Variants in CNOT6 observed in about 807,000 individuals in gnomAD.
CNOT6 encodes the protein carbon catabolite repression 4 protein.
Under a neutral mutation model 61.2 loss-of-function variants are expected in CNOT6, and 12 were observed. The observed-to-expected ratio is 0.20, with a 90% CI of 0.13 to 0.32. The LOEUF is 0.32. Ranked by LOEUF, CNOT6 falls within the 10% of genes least tolerant of loss-of-function variation. The pLI, the probability that CNOT6 is intolerant of heterozygous loss-of-function variation, is 1.00. For synonymous variants in CNOT6, 225 were observed against 240.6 expected, an observed-to-expected ratio of 0.94 and a Z score of 0.60; for missense variants, 405 against 663.9, an observed-to-expected ratio of 0.61 and a Z score of 4.28.
intron 1 of CNOT6, among the ~76,000 whole-genome samples, chr5:180,517,081 G>A (rs776459613): frequency 1.3e-5 from 2 of 152,208 alleles, no homozygotes; most frequent in African/African-American, 2.4e-5. Flanking sequence ...AATCTGTGTA[G>A]TGGTGGCTTT....
intron 1 of CNOT6, among the ~76,000 whole-genome samples, chr5:180,523,869 G>T (rs2127715700): frequency 6.6e-6 from 1 of 152,232 alleles, no homozygotes; most frequent in Non-Finnish European, 1.5e-5. Flanking sequence ...TCTTTTCATG[G>T]TTTGTAATTC....
At chr5:180,569,665 A>G (rs139140158) in intron 10 of CNOT6, among the ~76,000 whole-genome samples, 56 of 152,340 alleles carry the variant, frequency 3.7e-4, no homozygotes, top group East Asian at 7.7e-4. Context: ...CCTCTTTGGG[A>G]TTCCAGCGTG....
intron 7 of CNOT6, 21 bp from the exon 8 acceptor site, chr5:180,567,065 CTG>C (rs1487606968): frequency 6.9e-6 from 11 of 1,584,078 alleles, no homozygotes; most frequent in Non-Finnish European, 9.4e-6. Flanking sequence ...TATGAAATAA[CTG>C]TGCTGTTTAC....
intron 9 of CNOT6, 92 bp downstream of exon 9, chr5:180,568,095 T>A: frequency 1.5e-6 from 2 of 1,328,056 alleles, no homozygotes; most frequent in African/African-American, 1.5e-5. Context: ...GTATTCATGG[T>A]CTTGTCTAAC....
chr5:180,577,187 G>GTGTGTGTGTGTT lies in CNOT6; in HGVS notation c.*2996_*2997insGTTTGTGTGTGT, dbSNP rs1305003057. 1 of 152,030 alleles carries GTGTGTGTGTGTT rather than the reference G, an allele frequency of 6.6e-6. No homozygotes were observed. The highest frequency in any genetic ancestry group is 1.5e-5 in the Non-Finnish European group (1 of 67,974). 9.4% of individuals were successfully genotyped at this position (152,030 alleles called of 1,614,324 possible). On this transcript the variant is annotated 3_prime_UTR_variant, in exon 12 of 12. Coordinates refer to ENST00000261951, the MANE Select transcript of CNOT6 (RefSeq NM_001370472.1). ...AATGTGTGTGTGTGTGTGTGTGTGT[G>GTGTGTGTGTGTT]TGTGTGTGTTTAATATGATTTAGTG...
At chr5:180,496,599 G>A (rs1272640018) in intron 1 of CNOT6, among the ~76,000 whole-genome samples, 2 of 152,210 alleles carry the variant, frequency 1.3e-5, no homozygotes, top group African/African-American at 4.8e-5. Flanking sequence ...CGCTTTGGGA[G>A]GTTGAGGAAG....
chr5:180,570,960 A>G (rs1581575723), intron 10 of CNOT6, among the ~76,000 whole-genome samples: 1 of 152,392 alleles, frequency 6.6e-6, no homozygotes, highest in East Asian at 1.9e-4. Flanking sequence ...ATAAGTAACC[A>G]GTAAATATTA....
At chr5:180,530,856 A>G (rs1758326071) in intron 2 of CNOT6, among the ~76,000 whole-genome samples, 2 of 152,214 alleles carry the variant, frequency 1.3e-5, no homozygotes, top group South Asian at 4.1e-4. Flanking sequence ...TGGACACAGC[A>G]CATGTTTCAG....
chr5:180,555,039 T>C (rs1032220045), intron 4 of CNOT6, among the ~76,000 whole-genome samples: 2 of 151,926 alleles, frequency 1.3e-5, no homozygotes, highest in African/African-American at 4.8e-5. Flanking sequence ...GAGAGTCTCT[T>C]GTCGCCCAGG....
rs564464797 is a variant in CNOT6, at chr5:180,544,876, G to A, written c.113-5055G>A. 1.1e-4 allele frequency among the ~76,000 whole-genome samples: 17 copies of A among 152,148 alleles called. No homozygotes were observed. In the East Asian group the frequency reaches 2.9e-3, roughly 26 times the overall value. On this transcript the variant is annotated intron_variant, in intron 2 of 11. Coordinates refer to ENST00000261951, the MANE Select transcript of CNOT6 (RefSeq NM_001370472.1). Reference sequence around the variant, plus strand: ...TGGGAAGCTGAAGCAGGAGGATCACGTGAGCCTAGGAGTTAAAGGCTACTG... The same window carrying A: ...TGGGAAGCTGAAGCAGGAGGATCACATGAGCCTAGGAGTTAAAGGCTACTG...
intron 2 of CNOT6, among the ~76,000 whole-genome samples, chr5:180,548,105 G>C (rs1376499701): frequency 2.0e-5 from 3 of 152,188 alleles, no homozygotes; most frequent in South Asian, 2.1e-4. Flanking sequence ...GTTTTTTCTT[G>C]TGTAATACCT....
chr5:180,573,225 A>G (rs1760838682), intron 11 of CNOT6, among the ~76,000 whole-genome samples: 2 of 152,142 alleles, frequency 1.3e-5, no homozygotes, highest in East Asian at 3.9e-4. Context: ...GAGGACCAGA[A>G]CCATCAGATG....
At chr5:180,556,278 G>A (rs1759883788) in intron 4 of CNOT6, among the ~76,000 whole-genome samples, 1 of 152,182 alleles carries the variant, frequency 6.6e-6, no homozygotes, top group Non-Finnish European at 1.5e-5. Context: ...GGGGGACAGA[G>A]TGGAAAGGAG....
intron 1 of CNOT6, among the ~76,000 whole-genome samples, chr5:180,504,829 CAT>C (rs1313439098): frequency 6.6e-6 from 1 of 152,008 alleles, no homozygotes; most frequent in African/African-American, 2.4e-5. Context: ...TGTCATTTAA[CAT>C]GTGATAGGTT....
rs1206916639 is a variant in CNOT6, at chr5:180,578,025, ATG to A, written c.*3827_*3828del. The A allele has an allele frequency of 6.5e-6, 1 of 152,678 alleles. No individual in the cohort carries two copies. Among genetic ancestry groups the A allele is most frequent in the Non-Finnish European group, 1.5e-5 (1 of 68,044 alleles). 9.5% of individuals were successfully genotyped at this position (152,678 alleles called of 1,614,324 possible). ...AGTACTGAGGTTTGAGGAAAAATAA[ATG>A]TTGATCAGCAGACCACGTATTTAAA... is the stretch of plus-strand genomic sequence containing the variant. On this transcript the variant is annotated 3_prime_UTR_variant, in exon 12 of 12. Coordinates refer to ENST00000261951, the MANE Select transcript of CNOT6 (RefSeq NM_001370472.1).
intron 2 of CNOT6, among the ~76,000 whole-genome samples, 162 bp from the exon 3 acceptor site, chr5:180,549,769 C>G (rs747757725): frequency 2.0e-5 from 3 of 152,170 alleles, no homozygotes; most frequent in Non-Finnish European, 4.4e-5. Context: ...TTAATCATAG[C>G]AATGAATCGT....
chr5:180,567,643 C>T (rs1760530805), intron 8 of CNOT6, among the ~76,000 whole-genome samples: 1 of 152,166 alleles, frequency 6.6e-6, no homozygotes, highest in Non-Finnish European at 1.5e-5. Context: ...AAAAATATTT[C>T]AAGTTGTTAT....
chr5:180,516,400 T>G (rs183272980), intron 1 of CNOT6, among the ~76,000 whole-genome samples: 45 of 152,188 alleles, frequency 3.0e-4, no homozygotes, highest in Non-Finnish European at 5.0e-4. Flanking sequence ...CAGGATGGTC[T>G]CGATCTCCCA....
intron 2 of CNOT6, among the ~76,000 whole-genome samples, chr5:180,531,194 G>A (rs1191343947): frequency 2.9e-5 from 4 of 136,806 alleles, no homozygotes; most frequent in Non-Finnish European, 6.6e-5. Flanking sequence ...TGGCCGGGGC[G>A]GCTGCCAGGC....
Sources: allele counts gnomAD v4.1 joint callset (sites outside exome capture counted in the v4.1 genomes callset), GRCh38; gene constraint gnomAD v4.1.1; transcripts MANE v1.5; gene names NCBI Gene and HGNC (gene_info 2026-07-23, HGNC 2026-07-21).